The following RARB variants were observed in gnomAD, a reference collection of about 807,000 sequenced individuals.
RARB encodes retinoic acid receptor beta, also known as HBV-activated protein.
Under a neutral mutation model 51.9 loss-of-function variants are expected in RARB, and 17 were observed. The ratio of observed to expected loss-of-function variants is 0.33; its 90% CI spans 0.22 to 0.49. The LOEUF (loss-of-function observed/expected upper bound fraction) is 0.49. Ranked by LOEUF, RARB falls within the 20% of genes least tolerant of loss-of-function variation. The probability of loss-of-function intolerance (pLI) is 0.99; values close to 1 mark genes in which losing one functional copy is unlikely to be tolerated. For missense variants in RARB, 369 were observed against 550.8 expected, an observed-to-expected ratio of 0.67 and a Z score of 3.30; for synonymous variants, 215 against 195.4, an observed-to-expected ratio of 1.10 and a Z score of -0.84.
At chr3:25,367,830 AAAAC>A (rs1706173615) in intron 5 of RARB, among the ~76,000 whole-genome samples, 2 of 150,820 alleles carry the variant, frequency 1.3e-5, no homozygotes, top group African/African-American at 4.9e-5. Context: ...AAAAAAAACA[AAAAC>A]AAAACAAAAG....
At chr3:25,227,435 C>T (rs1204580094) in intron 5 of RARB, among the ~76,000 whole-genome samples, 1 of 152,112 alleles carries the variant, frequency 6.6e-6, no homozygotes, top group Non-Finnish European at 1.5e-5. Flanking sequence ...TTCCCCCACT[C>T]TGCCAAAATT....
intron 2 of RARB, among the ~76,000 whole-genome samples, chr3:24,911,942 A>T (rs1346891694): frequency 6.6e-6 from 1 of 152,212 alleles, no homozygotes; most frequent in Non-Finnish European, 1.5e-5. Flanking sequence ...AATGAATCTT[A>T]ATGTTGGTGA....
At chr3:25,563,051 T>C in intron 3 of RARB, among the ~76,000 whole-genome samples, 1 of 152,234 alleles carries the variant, frequency 6.6e-6, no homozygotes, top group Non-Finnish European at 1.5e-5. Context: ...CAGAATGCTG[T>C]GTCCAGACTA....
intron 2 of RARB, among the ~76,000 whole-genome samples, chr3:24,913,847 T>C (rs2125381718): frequency 6.6e-6 from 1 of 152,312 alleles, no homozygotes; most frequent in Non-Finnish European, 1.5e-5. Context: ...GGATATCCAG[T>C]CTAAAATAGT....
chr3:24,977,658 G>A (rs1696548225), intron 2 of RARB, among the ~76,000 whole-genome samples: 1 of 152,218 alleles, frequency 6.6e-6, no homozygotes, highest in Admixed American at 6.5e-5. Flanking sequence ...TTTGGGCTGA[G>A]ACTGTGGGGT....
intron 2 of RARB, among the ~76,000 whole-genome samples, chr3:24,931,763 G>C (rs1695445297): frequency 6.6e-6 from 1 of 151,778 alleles, no homozygotes; most frequent in African/African-American, 2.4e-5. Flanking sequence ...CCTTAGACTT[G>C]AGCAGTGCCA....
rs9838572 is a variant in RARB at position 24,975,356 on chromosome 3, C to T, written c.-379-84769C>T. ...TCAGGAAAAAATTCCTGAGCACCTA[C>T]TTACTACACTCCAGGCACTGTTTTT... On this transcript the variant is annotated intron_variant, in intron 2 of 11. Coordinates refer to the RARB transcript ENST00000383772. Among the ~76,000 whole-genome samples, 1,295 of 152,200 alleles carry T rather than the reference C, an allele frequency of 8.5e-3. 19 individuals carry two copies. Among genetic ancestry groups the T allele is most frequent in the African/African-American group, 0.029 (1,205 of 41,526 alleles).
chr3:24,880,372 C>T (rs927178731), intron 2 of RARB, among the ~76,000 whole-genome samples: 3 of 151,990 alleles, frequency 2.0e-5, no homozygotes, highest in Non-Finnish European at 4.4e-5. Context: ...CAACACGAAT[C>T]TGTAATTAAT....
intron 2 of RARB, among the ~76,000 whole-genome samples, chr3:25,006,004 C>A (rs1005211456): frequency 6.6e-6 from 1 of 152,140 alleles, no homozygotes; most frequent in Non-Finnish European, 1.5e-5. Flanking sequence ...AGGCCACTGA[C>A]AATCCCACCT....
At chr3:25,515,263 A>T (rs895928920) in intron 3 of RARB, among the ~76,000 whole-genome samples, 2 of 152,266 alleles carry the variant, frequency 1.3e-5, no homozygotes, top group East Asian at 3.8e-4. Context: ...TGACACTAAA[A>T]GGACTGACAA....
chr3:25,109,589 ACT>A (rs1024449024), intron 3 of RARB, among the ~76,000 whole-genome samples: 2 of 151,996 alleles, frequency 1.3e-5, no homozygotes, highest in East Asian at 1.9e-4. Flanking sequence ...GTACCTTTCT[ACT>A]CTCTGTTTTG....
intron 1 of RARB, among the ~76,000 whole-genome samples, chr3:24,847,005 G>GC (rs1702493503): frequency 6.6e-6 from 1 of 152,156 alleles, no homozygotes; most frequent in Non-Finnish European, 1.5e-5. Context: ...CTTCTGAAAG[G>GC]TTACTGTGCA....
intron 4 of RARB, among the ~76,000 whole-genome samples, chr3:25,150,560 C>A (rs547321604): frequency 1.3e-5 from 2 of 152,254 alleles, no homozygotes; most frequent in African/African-American, 4.8e-5. Flanking sequence ...AAACTATGGA[C>A]AAGAAAGAAA....
chr3:24,981,261 G>A (rs1006009898), intron 2 of RARB, among the ~76,000 whole-genome samples: 1 of 152,200 alleles, frequency 6.6e-6, no homozygotes, highest in Non-Finnish European at 1.5e-5. Flanking sequence ...GTCTCTTCAT[G>A]GATCTTGAAC....
At chr3:24,914,028 G>A (rs1040760964) in intron 2 of RARB, among the ~76,000 whole-genome samples, 6 of 152,138 alleles carry the variant, frequency 3.9e-5, no homozygotes, top group African/African-American at 1.4e-4. Flanking sequence ...CAGGGAAATG[G>A]GTATGGCCAA....
chr3:25,505,782 G>C (rs1697552916), intron 3 of RARB, among the ~76,000 whole-genome samples: 1 of 152,136 alleles, frequency 6.6e-6, no homozygotes, highest in East Asian at 1.9e-4. Context: ...ACTTCTGCTG[G>C]TGGCGTGGGA....
chr3:25,451,652 C>T (rs753432269), intron 1 of RARB, among the ~76,000 whole-genome samples: 2 of 152,174 alleles, frequency 1.3e-5, no homozygotes, highest in South Asian at 2.1e-4. Context: ...AGATCTTAGA[C>T]GAGTGGCAAG....
chr3:25,392,054 A>C (rs1436686502), intron 5 of RARB, among the ~76,000 whole-genome samples: 1 of 152,040 alleles, frequency 6.6e-6, no homozygotes, highest in Non-Finnish European at 1.5e-5. Context: ...ATCCATCTTG[A>C]GTTGATTTTT....
At chr3:24,891,789 A>T (rs1220158707) in intron 2 of RARB, among the ~76,000 whole-genome samples, 1 of 152,098 alleles carries the variant, frequency 6.6e-6, no homozygotes, top group Non-Finnish European at 1.5e-5. Flanking sequence ...AGATAAGTTG[A>T]GAAAGAGTTG....
Sources: gnomAD v4.1 joint callset for allele counts (sites outside exome capture counted in the v4.1 genomes callset) on GRCh38, gnomAD v4.1.1 for gene constraint, MANE v1.5 for transcripts, NCBI Gene and HGNC (gene_info 2026-07-23, HGNC 2026-07-21) for gene names.